CWC27: variants seen among roughly 807,000 people sequenced by gnomAD.
The protein encoded by CWC27 is CWC27 spliceosome associated cyclophilin.
Under a neutral mutation model 63.6 loss-of-function variants are expected in CWC27, and 47 were observed. The ratio of observed to expected loss-of-function variants is 0.74; its 90% CI spans 0.58 to 0.94. The LOEUF (loss-of-function observed/expected upper bound fraction) is 0.94. Ranked by LOEUF, CWC27 falls within the 40% of genes least tolerant of loss-of-function variation. CWC27 has a pLI of 0.00. For missense variants in CWC27, 495 were observed against 554.3 expected (o/e 0.89, Z 1.07); for synonymous variants, 175 against 179.8 (o/e 0.97, Z 0.22).
rs567422428 is a variant in CWC27, at chr5:64,991,040, A to G, written c.1256+13802A>G. Among the ~76,000 whole-genome samples the G allele has an allele frequency of 3.3e-5, 5 of 152,348 alleles. No homozygotes were observed. The South Asian group carries it at 8.3e-4, about 25-fold the overall frequency. ...CATTCCCATTGATTTATTACAGTAT[A>G]ATATCCCAAGTGAGATAAGATATCA... is the stretch of plus-strand genomic sequence containing the variant. On this transcript the variant is annotated intron_variant, in intron 13 of 13. Transcript: ENST00000381070.
At chr5:64,832,266 C>CA (rs34600448) in intron 10 of CWC27, among the ~76,000 whole-genome samples, 1 of 151,160 alleles carries the variant, frequency 6.6e-6, no homozygotes, top group African/African-American at 2.4e-5. Flanking sequence ...CTGTAATATC[C>CA]AAAAAATCAC....
At chr5:64,793,909 A>C (rs1744165797) in intron 7 of CWC27, among the ~76,000 whole-genome samples, 2 of 152,046 alleles carry the variant, frequency 1.3e-5, no homozygotes, top group Admixed American at 1.3e-4. Flanking sequence ...TGGTTTATGG[A>C]TTATCAGTGT....
chr5:64,991,197 G>T (rs1387837012), intron 13 of CWC27, among the ~76,000 whole-genome samples: 2 of 152,170 alleles, frequency 1.3e-5, no homozygotes, highest in Admixed American at 1.3e-4. Flanking sequence ...AATCCTTCCT[G>T]TGTAACTTGG....
At chr5:64,905,166 A>C (rs538872365) in intron 11 of CWC27, among the ~76,000 whole-genome samples, 14 of 137,178 alleles carry the variant, frequency 1.0e-4, no homozygotes, top group Admixed American at 5.1e-4. Flanking sequence ...GCACCACTGC[A>C]CTCCAGCCTG....
intron 11 of CWC27, among the ~76,000 whole-genome samples, chr5:64,927,700 AT>A (rs1748146411): frequency 6.6e-6 from 1 of 151,976 alleles, no homozygotes; most frequent in Admixed American, 6.6e-5. Flanking sequence ...ACCTCAAAGA[AT>A]TTTTTTATCC....
intron 11 of CWC27, among the ~76,000 whole-genome samples, chr5:64,959,734 T>C (rs754657231): frequency 5.9e-5 from 9 of 152,358 alleles, no homozygotes; most frequent in Non-Finnish European, 1.2e-4. Flanking sequence ...CAGGAACTTT[T>C]CCATTCAGTA....
chr5:64,927,555 T>C (rs1341628357), intron 11 of CWC27, among the ~76,000 whole-genome samples: 1 of 152,170 alleles, frequency 6.6e-6, no homozygotes, highest in Non-Finnish European at 1.5e-5. Context: ...GCAGGGTGCC[T>C]AGTTCTTCTT....
rs1021897812 is a variant in CWC27 at position 64,949,398 on chromosome 5, G to A, written c.1043-22305G>A. Among the ~76,000 whole-genome samples the A allele has an allele frequency of 5.3e-5, 8 of 151,920 alleles. 1 individual carries two copies. Among genetic ancestry groups the A allele is most frequent in the Middle Eastern group, 6.3e-3 (2 of 316 alleles). On this transcript the variant is annotated intron_variant, in intron 11 of 13. Coordinates refer to ENST00000381070, the MANE Select transcript of CWC27 (RefSeq NM_005869.4). ...ACAAGTTTCTAGTCTGAGCTTTAAT[G>A]TCCTACCATGACCATTTTAGTCACA... is the stretch of plus-strand genomic sequence containing the variant.
intron 3 of CWC27, among the ~76,000 whole-genome samples, chr5:64,782,434 C>T (rs1034479018): frequency 6.5e-4 from 45 of 69,466 alleles, no homozygotes; most frequent in Non-Finnish European, 1.2e-3. Context: ...GGCGACAGAG[C>T]GAGACTCCGT....
chr5:65,012,821 A>G (rs1322639465), intron 13 of CWC27, among the ~76,000 whole-genome samples: 1 of 152,214 alleles, frequency 6.6e-6, no homozygotes, highest in Admixed American at 6.5e-5. Context: ...ATCTGAAAGC[A>G]TAAAAGCTCT....
intron 11 of CWC27, among the ~76,000 whole-genome samples, chr5:64,896,822 C>T (rs1198988273): frequency 6.6e-6 from 1 of 151,946 alleles, no homozygotes; most frequent in Non-Finnish European, 1.5e-5. Context: ...ATTGAAATAA[C>T]ACAAAAAGTC....
chr5:64,948,937 G>A (rs985926150), intron 11 of CWC27, among the ~76,000 whole-genome samples: 1 of 151,994 alleles, frequency 6.6e-6, no homozygotes, highest in Admixed American at 6.6e-5. Context: ...CATAGTAGAA[G>A]CAGAAATCAT....
chr5:64,885,597 GT>G, intron 11 of CWC27, 51 bp downstream of exon 11: 1 of 1,365,164 alleles, frequency 7.3e-7, no homozygotes, highest in Non-Finnish European at 1.0e-6. Flanking sequence ...CTCCTTCTCT[GT>G]TTTCTTAGCT....
At chr5:64,829,383 ATG>A (rs1174222350) in intron 10 of CWC27, among the ~76,000 whole-genome samples, 1 of 152,130 alleles carries the variant, frequency 6.6e-6, no homozygotes, top group Non-Finnish European at 1.5e-5. Flanking sequence ...GCTATAATTG[ATG>A]TTAATTTTTC....
At chr5:64,785,433 A>C in intron 4 of CWC27, 48 bp from the exon 5 acceptor site, 1 of 865,034 alleles carries the variant, frequency 1.2e-6, no homozygotes, top group South Asian at 4.1e-5. Context: ...CTTAATTCAA[A>C]GGATGAGTGC....
At chr5:64,905,200 CA>C (rs71608574) in intron 11 of CWC27, among the ~76,000 whole-genome samples, 11,316 of 55,870 alleles carry the variant, frequency 0.2, 299 homozygotes, top group East Asian at 0.32. Context: ...CACTACATCT[CA>C]AAAAAAAAAA....
intron 10 of CWC27, among the ~76,000 whole-genome samples, chr5:64,843,510 C>T (rs548683069): frequency 1.3e-5 from 2 of 152,228 alleles, no homozygotes; most frequent in African/African-American, 4.8e-5. Context: ...ACAAATTCCA[C>T]TAATGACATA....
chr5:64,804,353 A>G lies in CWC27; in HGVS notation c.905A>G (p.Glu302Gly). 3 of 1,612,740 alleles carry G rather than the reference A, an allele frequency of 1.9e-6. No individual in the cohort carries two copies. The highest frequency in any genetic ancestry group is 2.5e-6 in the Non-Finnish European group (3 of 1,179,442). ...DTSANVKSAG[E>G]GEVEKKSVSR... is the part of the protein sequence containing the mutation. ...AGTGCGAATGTTAAATCAGCTGGAG[A>G]AGGAGAAGTGGAGAAGAAATCAGTC... The change falls in exon 10 of 14, where the codon GAA becomes GGA. Residue 302 changes from glutamate (E) to glycine (G), a missense_variant. Transcript: ENST00000381070.
chr5:64,920,565 A>G (rs1044833413), intron 11 of CWC27, among the ~76,000 whole-genome samples: 2 of 152,192 alleles, frequency 1.3e-5, no homozygotes, highest in African/African-American at 4.8e-5. Context: ...GGTAGAATTC[A>G]GCTGTGAATC....
Sources: gnomAD v4.1 joint callset for allele counts (sites outside exome capture counted in the v4.1 genomes callset) on GRCh38, gnomAD v4.1.1 for gene constraint, MANE v1.5 for transcripts, NCBI Gene and HGNC (gene_info 2026-07-23, HGNC 2026-07-21) for gene names.